Variants in CTNNA2 observed in about 807,000 individuals in gnomAD.
CTNNA2 encodes the protein catenin alpha 2, also known as catenin alpha-2.
In CTNNA2, 42 loss-of-function variants were observed where a neutral mutation model predicts 101.0. The observed-to-expected ratio is 0.42, with a 90% CI of 0.32 to 0.54. The LOEUF is 0.54. CTNNA2 is among the 20% of genes least tolerant of loss of function. The pLI, the probability that CTNNA2 is intolerant of heterozygous loss-of-function variation, is 0.14. For synonymous variants in CTNNA2, 450 were observed against 456.4 expected (o/e 0.99, Z 0.18); for missense variants, 871 against 1,223.1 (o/e 0.71, Z 4.29).
At chr2:79,438,225 A>G (rs1306470770) in intron 4 of CTNNA2, among the ~76,000 whole-genome samples, 1 of 152,134 alleles carries the variant, frequency 6.6e-6, no homozygotes, top group Non-Finnish European at 1.5e-5. Context: ...AGCTCTAGAG[A>G]TAAGTGTGGG....
intron 3 of CTNNA2, among the ~76,000 whole-genome samples, chr2:79,850,593 G>A (rs1294372204): frequency 6.6e-6 from 1 of 152,238 alleles, no homozygotes; most frequent in East Asian, 1.9e-4. Flanking sequence ...TTAAAATAAA[G>A]ATATTTCTAA....
intron 5 of CTNNA2, among the ~76,000 whole-genome samples, chr2:79,507,838 C>T (rs915128828): frequency 2.0e-5 from 3 of 152,170 alleles, no homozygotes; most frequent in Admixed American, 1.3e-4. Flanking sequence ...ACATATTTCT[C>T]TTAAATGAAC....
intron 3 of CTNNA2, among the ~76,000 whole-genome samples, chr2:79,344,172 C>G (rs891830001): frequency 7.1e-6 from 1 of 140,606 alleles, no homozygotes; most frequent in Non-Finnish European, 1.6e-5. Context: ...AAAGGCACCC[C>G]GCTCTACACA....
intron 1 of CTNNA2, among the ~76,000 whole-genome samples, chr2:79,605,135 C>G (rs868015405): frequency 2.0e-5 from 3 of 152,130 alleles, no homozygotes; most frequent in Middle Eastern, 3.4e-3. Context: ...TTTAATAAGT[C>G]AAATAGAGCC....
chr2:79,355,617 C>T (rs1429966757), intron 3 of CTNNA2, among the ~76,000 whole-genome samples: 1 of 152,204 alleles, frequency 6.6e-6, no homozygotes, highest in East Asian at 1.9e-4. Context: ...TATGCCCTAG[C>T]TCTTGGTATC....
At chr2:79,302,248 C>T (rs1676130588) in intron 2 of CTNNA2, among the ~76,000 whole-genome samples, 1 of 152,130 alleles carries the variant, frequency 6.6e-6, no homozygotes. Flanking sequence ...TCCCATTCCT[C>T]TCTTCTCTCC....
At chr2:80,281,343 A>G (rs931533828) in intron 7 of CTNNA2, among the ~76,000 whole-genome samples, 1 of 152,170 alleles carries the variant, frequency 6.6e-6, no homozygotes, top group African/African-American at 2.4e-5. Flanking sequence ...GCTCATAAAA[A>G]GGTCAGCTTC....
intron 7 of CTNNA2, among the ~76,000 whole-genome samples, chr2:80,138,935 A>G (rs1702845177): frequency 6.6e-6 from 1 of 152,138 alleles, no homozygotes; most frequent in Non-Finnish European, 1.5e-5. Flanking sequence ...GTAGTGGCCA[A>G]TCAATTCCCT....
At chr2:79,710,795 T>C (rs72822556) in intron 2 of CTNNA2, among the ~76,000 whole-genome samples, 39,971 of 152,086 alleles carry the variant, frequency 0.26, 5,682 homozygotes, top group East Asian at 0.48. Flanking sequence ...TGCTTAGTGA[T>C]ATAAACATCC....
chr2:79,899,345 C>T (rs1574263805), intron 6 of CTNNA2, among the ~76,000 whole-genome samples: 3 of 152,006 alleles, frequency 2.0e-5, no homozygotes, highest in South Asian at 2.1e-4. Flanking sequence ...GTATCCTTGT[C>T]GGAGCTAGAG....
intron 3 of CTNNA2, among the ~76,000 whole-genome samples, chr2:79,361,219 T>C (rs1231211108): frequency 6.6e-6 from 1 of 152,244 alleles, no homozygotes; most frequent in African/African-American, 2.4e-5. Context: ...TTTGTTGTTT[T>C]ATTGGCTGTT....
At chr2:79,895,073 G>A (rs1157967136) in intron 6 of CTNNA2, among the ~76,000 whole-genome samples, 1 of 151,886 alleles carries the variant, frequency 6.6e-6, no homozygotes, top group Non-Finnish European at 1.5e-5. Flanking sequence ...ACTCTCTTAG[G>A]GCTTCTCTTT....
intron 2 of CTNNA2, among the ~76,000 whole-genome samples, chr2:79,225,038 A>G (rs1674390579): frequency 6.6e-6 from 1 of 152,074 alleles, no homozygotes. Context: ...GTGAATAACC[A>G]AGCTGTTTCT....
chr2:80,171,114 C>T (rs1330406323), intron 7 of CTNNA2, among the ~76,000 whole-genome samples: 4 of 152,144 alleles, frequency 2.6e-5, no homozygotes, highest in African/African-American at 9.7e-5. Flanking sequence ...TTTGTGTTTG[C>T]TTTTTTGCAG....
chr2:79,888,893 A>C (rs1013944153), intron 6 of CTNNA2, among the ~76,000 whole-genome samples: 2 of 152,304 alleles, frequency 1.3e-5, no homozygotes, highest in Non-Finnish European at 2.9e-5. Flanking sequence ...TCACTTATCT[A>C]TTAGTTATAC....
intron 7 of CTNNA2, among the ~76,000 whole-genome samples, chr2:80,187,713 G>A (rs1706221023): frequency 6.6e-6 from 1 of 152,062 alleles, no homozygotes; most frequent in Admixed American, 6.6e-5. Flanking sequence ...AGAGAAAGAG[G>A]GGCAGATGGT....
intron 7 of CTNNA2, among the ~76,000 whole-genome samples, chr2:80,000,287 C>G (rs1012069655): frequency 2.0e-5 from 3 of 152,138 alleles, no homozygotes; most frequent in African/African-American, 7.2e-5. Context: ...ACGACTATAA[C>G]ATTGCACACT....
intron 1 of CTNNA2, among the ~76,000 whole-genome samples, chr2:79,556,241 T>C (rs1674436827): frequency 6.6e-6 from 1 of 152,086 alleles, no homozygotes. Flanking sequence ...CCTGTCACCA[T>C]TGGCAGGGTT....
chr2:79,609,658 G>T, intron 1 of CTNNA2, among the ~76,000 whole-genome samples: 1 of 152,112 alleles, frequency 6.6e-6, no homozygotes, highest in East Asian at 1.9e-4. Context: ...ATGGATAACT[G>T]ATCTTTGAGA....
Sources: allele counts gnomAD v4.1 joint callset (sites outside exome capture counted in the v4.1 genomes callset), GRCh38; gene constraint gnomAD v4.1.1; transcripts MANE v1.5; gene names NCBI Gene and HGNC (gene_info 2026-07-23, HGNC 2026-07-21).